Variants in LBR observed in about 807,000 individuals in gnomAD.
LBR encodes the protein lamin B receptor, also known as delta(14)-sterol reductase LBR.
In LBR, 28 loss-of-function variants were observed where a neutral mutation model predicts 74.3. The observed-to-expected ratio is 0.38, with a 90% confidence interval of 0.28 to 0.52. LBR has a LOEUF of 0.52. Among genes scored for constraint, LBR ranks in the 20% least tolerant of loss-of-function variants. The pLI is 0.89. For missense variants in LBR, 717 were observed against 760.3 expected (o/e 0.94, Z 0.67); for synonymous variants, 228 against 269.3 (o/e 0.85, Z 1.50).
intron 1 of LBR, among the ~76,000 whole-genome samples, chr1:225,426,906 A>G (rs2096140304): frequency 6.6e-6 from 1 of 152,212 alleles, no homozygotes; most frequent in Non-Finnish European, 1.5e-5. Context: ...AGCCTGAGAA[A>G]CAAAACTTAA....
chr1:225,406,812 C>T lies in LBR; in HGVS notation c.1335G>A (p.Met445Ile). Residue 445 changes from methionine to isoleucine, a missense_variant, in exon 11 of 14, where the codon ATG becomes ATA. Physicochemically the swap from Met to Ile is conservative, Grantham distance 10. Coordinates refer to ENST00000272163, the MANE Select transcript of LBR (RefSeq NM_002296.4). The part of the protein sequence containing the change: ...LWNEEALLTT[M>I]DIIHDGFGFM... Reference sequence around the variant, plus strand: ...ATCCAAATCCATCGTGGATGATGTCCATGGTCGTCAACAACGCTTCCTATA... The same window carrying T: ...ATCCAAATCCATCGTGGATGATGTCTATGGTCGTCAACAACGCTTCCTATA... 1 of 1,614,216 alleles carries T rather than the reference C, an allele frequency of 6.2e-7. No homozygotes were observed. Among genetic ancestry groups the T allele is most frequent in the Non-Finnish European group, 8.5e-7 (1 of 1,180,030 alleles).
intron 1 of LBR, among the ~76,000 whole-genome samples, chr1:225,424,832 C>G (rs988851790): frequency 6.6e-6 from 1 of 152,238 alleles, no homozygotes; most frequent in African/African-American, 2.4e-5. Flanking sequence ...CTGCCACTTA[C>G]GTGAGGCCTG....
At chr1:225,407,125 C>T (rs921070904) in intron 10 of LBR, among the ~76,000 whole-genome samples, 5 of 152,238 alleles carry the variant, frequency 3.3e-5, no homozygotes, top group African/African-American at 1.2e-4. Flanking sequence ...CCTCCAACCT[C>T]CACATAGGCC....
chr1:225,410,509 C>G (rs1177672245), intron 9 of LBR, 93 bp from the exon 10 acceptor site: 2 of 1,362,040 alleles, frequency 1.5e-6, no homozygotes, highest in Non-Finnish European at 2.1e-6. Context: ...GCTGAGACAC[C>G]TGGCAGACGC....
rs2096084269 is a variant in LBR at position 225,403,047 on chromosome 1, AG to A, written c.*255del. 16 of 483,032 alleles carry A rather than the reference AG, an allele frequency of 3.3e-5. 1 individual carries two copies. The South Asian group carries it at 3.7e-4, about 11-fold the overall frequency. 29.9% of individuals were successfully genotyped at this position (483,032 alleles called of 1,614,324 possible). A position where few individuals can be genotyped will look rare whatever the true frequency, so the allele number is the denominator to read the frequency against. ...AAGACTGTCTTCTGTTTTCAGATTAAGGGTTGAAAATTTCCCATTAAAATGC... is the reference window on the plus strand; with the variant it reads ...AAGACTGTCTTCTGTTTTCAGATTAAGGTTGAAAATTTCCCATTAAAATGC... On this transcript the variant is annotated 3_prime_UTR_variant, in exon 14 of 14. Transcript: ENST00000272163.
intron 1 of LBR, 63 bp from the exon 2 acceptor site, chr1:225,424,152 C>G: frequency 3.2e-6 from 4 of 1,233,396 alleles, no homozygotes; most frequent in Non-Finnish European, 4.8e-6. Context: ...TCGTCTTTTT[C>G]CACAGGCTGA....
chr1:225,419,083 C>T lies in LBR; in HGVS notation c.640+180G>A, dbSNP rs144396759. ...TTCTACTCCATAATCCCTCAAAATG[C>T]TCCCACCTCAAGCCTTTGCACCCAC... On this transcript the variant is annotated intron_variant, in intron 5 of 13. Transcript: ENST00000272163. Among the ~76,000 whole-genome samples the T allele has an allele frequency of 4.0e-4, 61 of 152,334 alleles. 1 individual carries two copies. Among genetic ancestry groups the T allele is most frequent in the African/African-American group, 1.4e-3 (60 of 41,568 alleles).
At chr1:225,408,503 C>T (rs1251531388) in intron 10 of LBR, among the ~76,000 whole-genome samples, 9 of 152,204 alleles carry the variant, frequency 5.9e-5, no homozygotes, top group Admixed American at 2.0e-4. Context: ...TTTCACAGGA[C>T]GGCTCAGAGG....
intron 3 of LBR, among the ~76,000 whole-genome samples, chr1:225,421,011 T>C (rs1036501678): frequency 2.0e-5 from 3 of 152,182 alleles, no homozygotes; most frequent in African/African-American, 7.2e-5. Flanking sequence ...AAACACTAAA[T>C]GTCTATCATT....
rs2096082641 is a variant in LBR at position 225,401,920 on chromosome 1, T to C, written c.*1383A>G. 6.6e-6 allele frequency: 1 copy of C among 152,200 alleles called. No individual in the cohort carries two copies. Among genetic ancestry groups the C allele is most frequent in the Admixed American group, 6.5e-5 (1 of 15,268 alleles). The allele number at this position is 152,200 out of a possible 1,614,324, so 9.4% of individuals were successfully genotyped here. A position where few individuals can be genotyped will look rare whatever the true frequency, so the allele number is the denominator to read the frequency against. On this transcript the variant is annotated 3_prime_UTR_variant, in exon 14 of 14. Coordinates refer to ENST00000272163, the MANE Select transcript of LBR (RefSeq NM_002296.4). ...ATAGAATTAACACTGCATATCTAAA[T>C]GGCTCATATATAAAATGTGTAATTA...
Position 225,419,427 on chromosome 1 carries a change from C to T in LBR, c.476G>A (p.Ser159Asn). Residue 159 changes from serine (S) to asparagine (N), a missense_variant, in exon 5 of 14, where the codon AGC becomes AAC. Physicochemically the swap from Ser to Asn is conservative, Grantham distance 46. Transcript: ENST00000272163. ...GCTATACTGTGTTGCTATGTAACTGCTTTCTTGTGACAAACTGAATTTTTC... is the reference window on the plus strand; with the variant it reads ...GCTATACTGTGTTGCTATGTAACTGTTTTCTTGTGACAAACTGAATTTTTC... ...TQEKFSLSQESSYIATQYSLR... is the reference protein window; with the variant it reads ...TQEKFSLSQENSYIATQYSLR... 1 of 1,612,934 alleles carries T rather than the reference C, an allele frequency of 6.2e-7. No individual in the cohort carries two copies. Among genetic ancestry groups the T allele is most frequent in the Non-Finnish European group, 8.5e-7 (1 of 1,179,028 alleles).
chr1:225,424,089 C>T lies in LBR; in HGVS notation c.-14G>A, dbSNP rs1411689042. 1 of 1,613,022 alleles carries T rather than the reference C, an allele frequency of 6.2e-7. No individual in the cohort carries two copies. On this transcript the variant is annotated splice_region_variant and 5_prime_UTR_variant, in exon 2 of 14. Coordinates refer to ENST00000272163, the MANE Select transcript of LBR (RefSeq NM_002296.4). ...CCTACTTGGCATTTTCTATAATTAA[C>T]CTGAATAGTTTTAAAGAAAAAAATT...
intron 10 of LBR, among the ~76,000 whole-genome samples, chr1:225,409,713 G>A (rs758822047): frequency 3.3e-5 from 5 of 152,124 alleles, no homozygotes; most frequent in African/African-American, 1.2e-4. Context: ...TGCTGGCTGA[G>A]ACAGAGAAAA....
intron 10 of LBR, among the ~76,000 whole-genome samples, chr1:225,408,184 TCCCTTCCCCCTA>T (rs1178236114): frequency 6.6e-6 from 1 of 152,146 alleles, no homozygotes; most frequent in African/African-American, 2.4e-5. Flanking sequence ...TCCCTATCCT[TCCCTTCCCCCTA>T]CCCTTCCCAC....
At chr1:225,412,149 C>G (rs1021807784) in intron 8 of LBR, among the ~76,000 whole-genome samples, 3 of 152,114 alleles carry the variant, frequency 2.0e-5, no homozygotes, top group Admixed American at 6.6e-5. Flanking sequence ...AGAGTGTTTA[C>G]TATTTTGGAC....
chr1:225,404,702 A>G lies in LBR; in HGVS notation c.1488T>C (p.Cys496=), dbSNP rs1192433983. 3.1e-6 allele frequency: 5 copies of G among 1,602,690 alleles called. No individual in the cohort carries two copies. The highest frequency in any genetic ancestry group is 4.3e-6 in the Non-Finnish European group (5 of 1,171,444). ...TTGCACCTCGGAAGATTACATAACC[A>G]CAAACTGCAATTTTAAAATATTTTC... ...MASLIIVLKL[C]GYVIFRGANS... Residue 496 remains cysteine (C), a synonymous_variant, in exon 12 of 14, where the codon TGT becomes TGC. Coordinates refer to ENST00000272163, the MANE Select transcript of LBR (RefSeq NM_002296.4).
intron 10 of LBR, among the ~76,000 whole-genome samples, chr1:225,409,125 T>G (rs1051721783): frequency 2.0e-5 from 3 of 151,330 alleles, no homozygotes; most frequent in African/African-American, 7.3e-5. Context: ...TTCAAAAACA[T>G]GTTTAATTTT....
chr1:225,414,543 C>T (rs147221130), intron 7 of LBR, among the ~76,000 whole-genome samples: 49 of 152,286 alleles, frequency 3.2e-4, no homozygotes, highest in African/African-American at 1.1e-3. Context: ...TGCGAGATGC[C>T]GGACCCACAG....
In LBR at chr1:225,419,315, G is replaced by A. The variant is rs138462331; in HGVS notation, c.588C>T (p.Thr196=). Residue 196 remains threonine (T), a synonymous_variant, in exon 5 of 14, where the codon ACC becomes ACT. Coordinates refer to ENST00000272163, the MANE Select transcript of LBR (RefSeq NM_002296.4). ...TTGCCCGGATGGGGGTCACTTCAAA[G>A]GTTCTCACTGCCAGTTCTTTTGCAA... The part of the protein sequence containing the change: ...KYVAKELAVR[T]FEVTPIRAKD... 1 of 1,614,176 alleles carries A rather than the reference G, an allele frequency of 6.2e-7. No homozygotes were observed. Among genetic ancestry groups the A allele is most frequent in the Admixed American group, 1.7e-5 (1 of 60,022 alleles).
Sources: allele counts gnomAD v4.1 joint callset (sites outside exome capture counted in the v4.1 genomes callset), GRCh38; gene constraint gnomAD v4.1.1; transcripts MANE v1.5; gene names NCBI Gene and HGNC (gene_info 2026-07-23, HGNC 2026-07-21).